Variants in ACTR2 observed in about 807,000 individuals in gnomAD.
The protein encoded by ACTR2 is actin-related protein 2.
ACTR2 carries 5 observed loss-of-function variants against 50.2 expected under a neutral mutation model. The observed-to-expected ratio is 0.10, with a 90% CI of 0.05 to 0.21. ACTR2 has a LOEUF of 0.21. Among genes scored for constraint, ACTR2 ranks in the 10% least tolerant of loss-of-function variants. ACTR2 has a pLI of 1.00. For synonymous variants in ACTR2, 140 were observed against 162.9 expected (o/e 0.86, Z 1.07); for missense variants, 180 against 480.6 (o/e 0.37, Z 5.85).
intron 8 of ACTR2, among the ~76,000 whole-genome samples, chr2:65,265,421 G>A (rs1672352355): frequency 6.6e-6 from 1 of 152,232 alleles, no homozygotes; most frequent in East Asian, 1.9e-4. Flanking sequence ...GTAACAACCA[G>A]CACGGACTCT....
At chr2:65,248,800 G>C (rs368808116) in intron 3 of ACTR2, among the ~76,000 whole-genome samples, 1 of 152,114 alleles carries the variant, frequency 6.6e-6, no homozygotes, top group Non-Finnish European at 1.5e-5. Flanking sequence ...GATCACTTGA[G>C]ACTAGGAATT....
chr2:65,228,107 GCGA>G, intron 1 of ACTR2, 150 bp downstream of exon 1: 1 of 643,228 alleles, frequency 1.6e-6, no homozygotes, highest in African/African-American at 1.9e-5. Flanking sequence ...GGGCGTGGGA[GCGA>G]GCCGGCCGTT....
intron 2 of ACTR2, among the ~76,000 whole-genome samples, chr2:65,244,463 G>C (rs1671897640): frequency 6.6e-6 from 1 of 152,048 alleles, no homozygotes. Flanking sequence ...CCTGGATTCT[G>C]ACATTAATAT....
intron 1 of ACTR2, among the ~76,000 whole-genome samples, chr2:65,232,261 A>G (rs992617395): frequency 6.6e-6 from 1 of 152,196 alleles, no homozygotes; most frequent in Admixed American, 6.5e-5. Flanking sequence ...GAGTTAGATC[A>G]CCAACAAAAT....
intron 6 of ACTR2, among the ~76,000 whole-genome samples, chr2:65,259,428 AATAT>A (rs1672219270): frequency 6.6e-6 from 1 of 151,920 alleles, no homozygotes; most frequent in Non-Finnish European, 1.5e-5. Context: ...TCTCAAAAAA[AATAT>A]ATATGTATTG....
At chr2:65,254,539 A>G (rs73936445) in intron 5 of ACTR2, among the ~76,000 whole-genome samples, 1,974 of 152,298 alleles carry the variant, frequency 0.013, 37 homozygotes, top group African/African-American at 0.045. Flanking sequence ...TGTTTATACC[A>G]CAATTCTATA....
Position 65,269,830 on chromosome 2 carries a change from CATTAGTTGTTTTGT to C in ACTR2, c.*1097_*1110del, listed in dbSNP as rs1672457908. 1 of 152,094 alleles carries C rather than the reference CATTAGTTGTTTTGT, an allele frequency of 6.6e-6. No homozygotes were observed. The highest frequency in any genetic ancestry group is 1.5e-5 in the Non-Finnish European group (1 of 68,010). 9.4% of individuals were successfully genotyped at this position (152,094 alleles called of 1,614,324 possible). ...GACTTGTTGCCAATTGGGTAATTTT[CATTAGTTGTTTTGT>C]TTGTTTTGATTTGAAACCTGGAAAT... On this transcript the variant is annotated 3_prime_UTR_variant, in exon 9 of 9. Coordinates refer to ENST00000260641, the MANE Select transcript of ACTR2 (RefSeq NM_005722.4).
chr2:65,251,229 G>T, intron 4 of ACTR2, 130 bp downstream of exon 4: 3 of 453,334 alleles, frequency 6.6e-6, no homozygotes, highest in South Asian at 7.4e-5. Context: ...ACCACACTTT[G>T]AAATATTTTC....
chr2:65,270,548 A>G lies in ACTR2; in HGVS notation c.*1814A>G, dbSNP rs13812. 0.13 allele frequency: 20,237 copies of G among 152,498 alleles called. 1,880 individuals are homozygous for G. Among genetic ancestry groups the G allele is most frequent in the Non-Finnish European group, 0.2 (13,471 of 67,982 alleles). The allele number at this position is 152,498 out of a possible 1,614,324, so 9.4% of individuals were successfully genotyped here. ...GAACGGGGCTTGTTAAAGGACGCGT[A>G]TGTAGGGCCCGTACCTACTGGCAGT... On this transcript the variant is annotated 3_prime_UTR_variant, in exon 9 of 9. Transcript: ENST00000260641.
In ACTR2 at chr2:65,228,541, C is replaced by A. The variant is rs1671576827; in HGVS notation, c.48+584C>A. 5 of 151,738 alleles carry A rather than the reference C, an allele frequency of 3.3e-5. No individual in the cohort carries two copies. In the South Asian group the frequency reaches 1.0e-3, roughly 31 times the overall value. The allele number at this position is 151,738 out of a possible 1,614,324, so 9.4% of individuals were successfully genotyped here. A position where few individuals can be genotyped will look rare whatever the true frequency, so the allele number is the denominator to read the frequency against. On this transcript the variant is annotated intron_variant, in intron 1 of 8. Coordinates refer to ENST00000260641, the MANE Select transcript of ACTR2 (RefSeq NM_005722.4). ...CGAGGGAAGGGGTCCAGATCGGCAG[C>A]GCATCGTTCACTTTTTGTTTTACAT...
chr2:65,259,253 C>T (rs943634638), intron 6 of ACTR2, among the ~76,000 whole-genome samples: 6 of 151,860 alleles, frequency 4.0e-5, no homozygotes, highest in African/African-American at 1.2e-4. Flanking sequence ...GCAAGACCCC[C>T]GTCTCTACAA....
Position 65,261,294 on chromosome 2 carries a change from A to G in ACTR2, c.783A>G (p.Ala261=), listed in dbSNP as rs773498259. 3 of 1,614,110 alleles carry G rather than the reference A, an allele frequency of 1.9e-6. No individual in the cohort carries two copies. In the South Asian group the frequency reaches 3.3e-5, roughly 18 times the overall value. ...AAGTTGGGGGAGAGAGATTTGAAGCACCAGAAGCTTTATTTCAGCCTCACT... is the reference window on the plus strand; with the variant it reads ...AAGTTGGGGGAGAGAGATTTGAAGCGCCAGAAGCTTTATTTCAGCCTCACT... ...IIKVGGERFE[A]PEALFQPHLI... The change falls in exon 7 of 9, where the codon GCA becomes GCG. Residue 261 remains alanine (A), a synonymous_variant. Coordinates refer to ENST00000260641, the MANE Select transcript of ACTR2 (RefSeq NM_005722.4).
At chr2:65,231,366 T>C (rs1282338304) in intron 1 of ACTR2, among the ~76,000 whole-genome samples, 1 of 152,232 alleles carries the variant, frequency 6.6e-6, no homozygotes, top group Non-Finnish European at 1.5e-5. Context: ...GTATTCTGTT[T>C]CTTACCATTT....
Position 65,227,918 on chromosome 2 carries a change from C to T in ACTR2, c.9C>T (p.Ser3=). 6.6e-7 allele frequency: 1 copy of T among 1,524,644 alleles called. No homozygotes were observed. The highest frequency in any genetic ancestry group is 1.4e-5 in the African/African-American group (1 of 69,944). 94.4% of individuals were successfully genotyped at this position (1,524,644 alleles called of 1,614,324 possible). A position where few individuals can be genotyped will look rare whatever the true frequency, so the allele number is the denominator to read the frequency against. ...TCTTCCCTGGGCGGACGATGGACAG[C>T]CAGGGCAGGAAGGTGGTGGTGTGCG... is the stretch of plus-strand genomic sequence containing the variant. MD[S]QGRKVVVCDN... Residue 3 remains serine (S), a synonymous_variant, in exon 1 of 9, where the codon AGC becomes AGT. Coordinates refer to ENST00000260641, the MANE Select transcript of ACTR2 (RefSeq NM_005722.4).
intron 7 of ACTR2, among the ~76,000 whole-genome samples, chr2:65,264,420 C>G (rs769813795): frequency 6.6e-6 from 1 of 152,188 alleles, no homozygotes; most frequent in African/African-American, 2.4e-5. Flanking sequence ...GAGAATTATT[C>G]CTCAGACCCT....
chr2:65,256,764 C>T (rs1410867114), intron 6 of ACTR2, among the ~76,000 whole-genome samples: 1 of 151,366 alleles, frequency 6.6e-6, no homozygotes, highest in Non-Finnish European at 1.5e-5. Context: ...CCCAGCTATT[C>T]AGGAGGCTGA....
rs1008420283 is a variant in ACTR2, at chr2:65,261,366, A to G, written c.855A>G (p.Thr285=). ...GTGTTGCTGAATTGCTTTTTAACAC[A>G]ATTCAGGCAGCTGACATTGATACCA... is the stretch of plus-strand genomic sequence containing the variant. The part of the protein sequence containing the change: ...GVGVAELLFN[T]IQAADIDTRS... Residue 285 remains threonine (T), a synonymous_variant, in exon 7 of 9, where the codon ACA becomes ACG. Transcript: ENST00000260641. 1 of 1,613,886 alleles carries G rather than the reference A, an allele frequency of 6.2e-7. No homozygotes were observed. The highest frequency in any genetic ancestry group is 1.3e-5 in the African/African-American group (1 of 74,928).
chr2:65,247,245 G>A (rs186992850), intron 3 of ACTR2, among the ~76,000 whole-genome samples: 2 of 152,196 alleles, frequency 1.3e-5, no homozygotes, highest in African/African-American at 4.8e-5. Context: ...AACATAATAT[G>A]TATTATATAC....
chr2:65,241,645 GCTAT>G (rs1224912610), intron 2 of ACTR2, among the ~76,000 whole-genome samples: 3 of 152,032 alleles, frequency 2.0e-5, no homozygotes, highest in Non-Finnish European at 4.4e-5. Flanking sequence ...ACAACCCTGA[GCTAT>G]CTAACACTCT....
Sources: gnomAD v4.1 joint callset for allele counts (sites outside exome capture counted in the v4.1 genomes callset) on GRCh38, gnomAD v4.1.1 for gene constraint, MANE v1.5 for transcripts, NCBI Gene and HGNC (gene_info 2026-07-23, HGNC 2026-07-21) for gene names.